LMBR1: variants seen among roughly 807,000 people sequenced by gnomAD.
LMBR1 encodes the protein limb region 1 protein homolog.
A neutral mutation model predicts 73.9 loss-of-function variants in LMBR1; 52 were observed. The ratio of observed to expected loss-of-function variants is 0.70; its 90% CI spans 0.56 to 0.89. LMBR1 has a LOEUF of 0.89. Ranked by LOEUF, LMBR1 falls within the 40% of genes least tolerant of loss-of-function variation. LMBR1 has a pLI of 0.00. For synonymous variants in LMBR1, 215 were observed against 209.4 expected (o/e 1.03, Z -0.23); for missense variants, 539 against 579.8 (o/e 0.93, Z 0.72).
chr7:156,783,338 A>G (rs1447913951), intron 5 of LMBR1, among the ~76,000 whole-genome samples: 1 of 151,604 alleles, frequency 6.6e-6, no homozygotes, highest in Non-Finnish European at 1.5e-5. Context: ...AGGCTCAGTT[A>G]ATTTTTTTTA....
chr7:156,732,171 G>A (rs1288342920), intron 10 of LMBR1, among the ~76,000 whole-genome samples: 1 of 152,072 alleles, frequency 6.6e-6, no homozygotes, highest in African/African-American at 2.4e-5. Flanking sequence ...CATCCAGCTT[G>A]AAACAATTAA....
At chr7:156,885,991 G>C (rs1400817896) in intron 1 of LMBR1, among the ~76,000 whole-genome samples, 1 of 150,430 alleles carries the variant, frequency 6.6e-6, no homozygotes, top group East Asian at 2.0e-4. Flanking sequence ...AGTGAGCTGA[G>C]ATAGTGCCAC....
chr7:156,753,286 G>T (rs923996295), intron 9 of LMBR1, among the ~76,000 whole-genome samples: 7 of 152,118 alleles, frequency 4.6e-5, no homozygotes, highest in South Asian at 2.1e-4. Flanking sequence ...AAATCCTCCA[G>T]AAGGGAGCAG....
intron 15 of LMBR1, among the ~76,000 whole-genome samples, chr7:156,716,529 C>G (rs920024293): frequency 5.3e-5 from 8 of 152,190 alleles, no homozygotes; most frequent in African/African-American, 1.4e-4. Flanking sequence ...CTAAGCCCTC[C>G]AGCATGGATG....
intron 5 of LMBR1, among the ~76,000 whole-genome samples, chr7:156,764,870 T>C (rs1206925184): frequency 1.3e-5 from 2 of 152,182 alleles, no homozygotes; most frequent in African/African-American, 2.4e-5. Context: ...CCCTAAATGA[T>C]AACCTCTGAG....
rs184529258 is a variant in LMBR1, at chr7:156,858,715, A to T, written c.67-21830T>A. Among the ~76,000 whole-genome samples the T allele has an allele frequency of 9.7e-4, 148 of 152,330 alleles. 1 individual carries two copies. Among genetic ancestry groups the T allele is most frequent in the African/African-American group, 3.5e-3 (144 of 41,570 alleles). On this transcript the variant is annotated intron_variant, in intron 1 of 16. Coordinates refer to ENST00000353442, the MANE Select transcript of LMBR1 (RefSeq NM_022458.4). Reference sequence around the variant, plus strand: ...GTATATAAAAAGAATTATATACCACAACCAAGTGGGAATTATCTAGTTATG... The same window carrying T: ...GTATATAAAAAGAATTATATACCACTACCAAGTGGGAATTATCTAGTTATG...
chr7:156,884,131 C>G (rs995842681), intron 1 of LMBR1, among the ~76,000 whole-genome samples: 12 of 152,294 alleles, frequency 7.9e-5, no homozygotes, highest in Middle Eastern at 3.4e-3. Context: ...GTTTCTAATA[C>G]ATCATTCCAC....
chr7:156,719,484 C>A (rs1814020489), intron 15 of LMBR1, among the ~76,000 whole-genome samples: 2 of 152,230 alleles, frequency 1.3e-5, no homozygotes, highest in Middle Eastern at 3.4e-3. Flanking sequence ...ACATTCCATG[C>A]TCATGGGTAG....
At chr7:156,734,005 A>G (rs1379916510) in intron 10 of LMBR1, 172 bp downstream of exon 10, 14 of 461,832 alleles carry the variant, frequency 3.0e-5, no homozygotes, top group Non-Finnish European at 4.3e-5. Context: ...AAGTGAATAA[A>G]TGTAAACTTA....
chr7:156,734,989 A>G (rs1240311025), intron 9 of LMBR1, among the ~76,000 whole-genome samples: 1 of 152,258 alleles, frequency 6.6e-6, no homozygotes, highest in Non-Finnish European at 1.5e-5. Flanking sequence ...TGACAGCTGA[A>G]TAACATTCCA....
intron 15 of LMBR1, among the ~76,000 whole-genome samples, chr7:156,703,106 G>A (rs1810150178): frequency 6.6e-6 from 1 of 152,148 alleles, no homozygotes; most frequent in Non-Finnish European, 1.5e-5. Context: ...TCACATTTAA[G>A]GAGCAGCCAG....
At chr7:156,864,904 G>A (rs948857342) in intron 1 of LMBR1, among the ~76,000 whole-genome samples, 2 of 151,118 alleles carry the variant, frequency 1.3e-5, no homozygotes, top group South Asian at 4.2e-4. Flanking sequence ...GCTGAGGCAG[G>A]AGAACTGCTA....
At chr7:156,798,451 C>T (rs751381848) in intron 4 of LMBR1, among the ~76,000 whole-genome samples, 1 of 152,108 alleles carries the variant, frequency 6.6e-6, no homozygotes, top group Non-Finnish European at 1.5e-5. Context: ...TGTCCAGGAA[C>T]AATCTCTTCC....
At chr7:156,753,805 A>C (rs1315842146) in intron 9 of LMBR1, among the ~76,000 whole-genome samples, 1 of 151,796 alleles carries the variant, frequency 6.6e-6, no homozygotes, top group Non-Finnish European at 1.5e-5. Context: ...ACATCTCTCT[A>C]CTCCTGCCAT....
intron 15 of LMBR1, among the ~76,000 whole-genome samples, chr7:156,702,395 A>G (rs1007741925): frequency 2.6e-5 from 4 of 152,094 alleles, no homozygotes; most frequent in African/African-American, 4.8e-5. Context: ...GCTTTTTTTC[A>G]TATGTTTCTG....
intron 9 of LMBR1, among the ~76,000 whole-genome samples, chr7:156,744,167 A>T (rs527924575): frequency 6.6e-6 from 1 of 152,260 alleles, no homozygotes; most frequent in African/African-American, 2.4e-5. Context: ...CCTCCCGAGT[A>T]GCTGGGACTA....
chr7:156,747,299 T>C (rs902682010), intron 9 of LMBR1, among the ~76,000 whole-genome samples: 11 of 152,144 alleles, frequency 7.2e-5, no homozygotes, highest in African/African-American at 2.7e-4. Flanking sequence ...TCAGGAAAAC[T>C]AATAGCTGAA....
chr7:156,817,496 G>GAGAGAGAGAGAGAGAC (rs1834095631), intron 4 of LMBR1, among the ~76,000 whole-genome samples: 2 of 128,764 alleles, frequency 1.6e-5, no homozygotes, highest in Non-Finnish European at 3.4e-5. Flanking sequence ...AAGAGACAGA[G>GAGAGAGAGAGAGAGAC]AGAGAGAGAG....
At position 156,877,606 on chromosome 7, in the gene LMBR1, G is replaced by A. The variant is rs371869635; in HGVS notation, c.66+15322C>T. Among the ~76,000 whole-genome samples the A allele has an allele frequency of 2.6e-4, 39 of 152,264 alleles. 1 individual carries two copies. Among genetic ancestry groups the A allele is most frequent in the Admixed American group, 1.5e-3 (23 of 15,290 alleles). On this transcript the variant is annotated intron_variant, in intron 1 of 16. Transcript: ENST00000353442. ...ATGGTTTAACATACGCAAGTCGGCC[G>A]GGCGCGGTGGCTCATGCCTGTAATC...
Sources: gnomAD v4.1 joint callset for allele counts (sites outside exome capture counted in the v4.1 genomes callset) on GRCh38, gnomAD v4.1.1 for gene constraint, MANE v1.5 for transcripts, NCBI Gene and HGNC (gene_info 2026-07-23, HGNC 2026-07-21) for gene names.